ZNF610: variants seen among roughly 807,000 people sequenced by gnomAD.
The protein encoded by ZNF610 is zinc finger protein 610, also known as zink finger protein.
In ZNF610, 14 loss-of-function variants were observed where a neutral mutation model predicts 14.1. The observed-to-expected ratio is 0.99, with a 90% CI of 0.65 to 1.55. The LOEUF is 1.55. ZNF610 is among the 40% of genes most tolerant of loss of function. ZNF610 has a pLI of 0.00. For missense variants in ZNF610, 530 were observed against 558.0 expected (o/e 0.95, Z 0.51); for synonymous variants, 185 against 187.6 (o/e 0.99, Z 0.11).
intron 3 of ZNF610, among the ~76,000 whole-genome samples, chr19:52,353,409 C>G (rs868469226): frequency 6.6e-6 from 1 of 152,122 alleles, no homozygotes; most frequent in African/African-American, 2.4e-5. Flanking sequence ...TGCCTATAAT[C>G]CCATCTTCTT....
At chr19:52,352,037 A>AG (rs1985280330) in intron 3 of ZNF610, among the ~76,000 whole-genome samples, 1 of 152,018 alleles carries the variant, frequency 6.6e-6, no homozygotes, top group South Asian at 2.1e-4. Flanking sequence ...TTTTGTCTCC[A>AG]GGGGGACAGA....
intron 3 of ZNF610, among the ~76,000 whole-genome samples, 154 bp downstream of exon 3, chr19:52,349,389 G>T (rs1022967703): frequency 1.5e-4 from 23 of 152,144 alleles, no homozygotes; most frequent in African/African-American, 5.5e-4. Context: ...TGACATGAAT[G>T]TGGGAAGAGA....
At chr19:52,333,174 C>G (rs1013606597), upstream of ZNF610, among the ~76,000 whole-genome samples, 3 of 152,176 alleles carry the variant, frequency 2.0e-5, no homozygotes, top group African/African-American at 7.2e-5. Flanking sequence ...AGAAGGAGAG[C>G]TCTTAACCTG....
At position 52,353,686 on chromosome 19, in the gene ZNF610, G is replaced by A. The variant is rs145380261; in HGVS notation, c.68G>A (p.Arg23His). Reference protein sequence around the residue: ...KESGMALPQGRLTFMDVAIEF... With the variant: ...KESGMALPQGHLTFMDVAIEF... ...ACAATGTGGTCCTCATTTTAGGGAC[G>A]CTTGACATTCATGGACGTGGCCATC... Residue 23 changes from arginine to histidine, a missense_variant, in exon 4 of 6, where the codon CGC (arginine) becomes CAC (histidine). Arg to His is a conservative substitution (Grantham distance 29). Coordinates refer to ENST00000403906, the MANE Select transcript of ZNF610 (RefSeq NM_001161425.2). 221 of 1,613,476 alleles carry A rather than the reference G, an allele frequency of 1.4e-4. 1 individual carries two copies. Among genetic ancestry groups the A allele is most frequent in the Admixed American group, 1.3e-3 (80 of 59,990 alleles).
intron 3 of ZNF610, among the ~76,000 whole-genome samples, chr19:52,352,446 C>G (rs1222012615): frequency 6.6e-6 from 1 of 152,146 alleles, no homozygotes; most frequent in Non-Finnish European, 1.5e-5. Flanking sequence ...CTGTGTTGAT[C>G]AGGCTGGTCT....
At chr19:52,363,032 G>GGGAA (rs1188188483) in intron 5 of ZNF610, among the ~76,000 whole-genome samples, 23 of 151,934 alleles carry the variant, frequency 1.5e-4, no homozygotes, top group African/African-American at 4.1e-4. Flanking sequence ...AGAAAGAAGG[G>GGGAA]GGAAGAAAGA....
upstream of ZNF610, among the ~76,000 whole-genome samples, chr19:52,334,721 G>A (rs1984291003): frequency 6.6e-6 from 1 of 151,654 alleles, no homozygotes; most frequent in South Asian, 2.1e-4. Context: ...CTGAGGTCAG[G>A]AGTTTGAGAC....
upstream of ZNF610, among the ~76,000 whole-genome samples, chr19:52,333,338 C>T (rs1984251492): frequency 6.6e-6 from 1 of 152,296 alleles, no homozygotes. Flanking sequence ...GCCGACAAGG[C>T]CTGCCCAGGC....
chr19:52,352,687 C>T (rs568542202), intron 3 of ZNF610, among the ~76,000 whole-genome samples: 1 of 152,004 alleles, frequency 6.6e-6, no homozygotes, highest in Admixed American at 6.6e-5. Flanking sequence ...TTTTCCTCTG[C>T]TTCTGGTCCC....
chr19:52,344,335 C>G (rs976745779), intron 1 of ZNF610, among the ~76,000 whole-genome samples: 1 of 151,948 alleles, frequency 6.6e-6, no homozygotes, highest in Admixed American at 6.6e-5. Flanking sequence ...CCATAGCCCC[C>G]GATTTAACAC....
upstream of ZNF610, among the ~76,000 whole-genome samples, chr19:52,333,656 G>A (rs868719860): frequency 1.1e-4 from 17 of 152,178 alleles, no homozygotes; most frequent in South Asian, 2.1e-4. Context: ...AGATTACAGA[G>A]GGCCCATGAA....
chr19:52,356,476 C>T (rs1985527715), intron 5 of ZNF610, among the ~76,000 whole-genome samples: 1 of 152,122 alleles, frequency 6.6e-6, no homozygotes, highest in Non-Finnish European at 1.5e-5. Flanking sequence ...TTCCATATTT[C>T]ATATAATACT....
chr19:52,365,607 C>A, intron 5 of ZNF610, 91 bp from the exon 6 acceptor site: 1 of 1,145,958 alleles, frequency 8.7e-7, no homozygotes, highest in Non-Finnish European at 1.3e-6. Context: ...CTTCCAGTGT[C>A]TGAGTTGGGT....
At chr19:52,355,848 G>C (rs321947) in intron 5 of ZNF610, among the ~76,000 whole-genome samples, 43,326 of 152,178 alleles carry the variant, frequency 0.28, 7,949 homozygotes, top group African/African-American at 0.52. Flanking sequence ...TGGGAAGATT[G>C]ACTGGGTGTG....
At chr19:52,341,576 G>A (rs1984692956) in intron 1 of ZNF610, among the ~76,000 whole-genome samples, 1 of 151,898 alleles carries the variant, frequency 6.6e-6, no homozygotes, top group South Asian at 2.1e-4. Flanking sequence ...CCAAAGTGCT[G>A]GGTTTATAGG....
intron 3 of ZNF610, among the ~76,000 whole-genome samples, chr19:52,350,125 G>C (rs1425597566): frequency 6.6e-6 from 1 of 152,082 alleles, no homozygotes; most frequent in Non-Finnish European, 1.5e-5. Context: ...CACAGAGATT[G>C]GAGCATAAAT....
In ZNF610 at chr19:52,366,482, A is replaced by G. The variant is rs1986068409; in HGVS notation, c.1104A>G (p.Thr368=). The part of the protein sequence containing the change: ...YLARHQIIHS[T]EKPYKCNECG... ...CACGGCATCAAATAATTCATAGTAC[A>G]GAGAAGCCCTACAAATGTAACGAAT... is the stretch of plus-strand genomic sequence containing the variant. The change falls in exon 6 of 6, where the codon ACA becomes ACG. Residue 368 remains threonine (T), a synonymous_variant. Coordinates refer to ENST00000403906, the MANE Select transcript of ZNF610 (RefSeq NM_001161425.2). The G allele has an allele frequency of 6.2e-7, 1 of 1,614,236 alleles. No homozygotes were observed. The highest frequency in any genetic ancestry group is 8.5e-7 in the Non-Finnish European group (1 of 1,180,040).
At chr19:52,339,808 C>T (rs545107339) in intron 1 of ZNF610, among the ~76,000 whole-genome samples, 18 of 152,130 alleles carry the variant, frequency 1.2e-4, no homozygotes, top group Non-Finnish European at 5.9e-5. Context: ...TACAGGTGCC[C>T]GTCACCATGC....
At chr19:52,345,750 G>A (rs1329691223) in intron 1 of ZNF610, among the ~76,000 whole-genome samples, 1 of 151,858 alleles carries the variant, frequency 6.6e-6, no homozygotes, top group Non-Finnish European at 1.5e-5. Context: ...TGTCGCCCAG[G>A]CTGGAGTGCA....
Sources: gnomAD v4.1 joint callset for allele counts (sites outside exome capture counted in the v4.1 genomes callset) on GRCh38, gnomAD v4.1.1 for gene constraint, MANE v1.5 for transcripts, NCBI Gene and HGNC (gene_info 2026-07-23, HGNC 2026-07-21) for gene names.